DLC1: variants seen among roughly 807,000 people sequenced by gnomAD.
DLC1 encodes rho GTPase-activating protein 7.
A neutral mutation model predicts 140.3 loss-of-function variants in DLC1; 54 were observed. That is an observed-to-expected ratio of 0.38 (90% confidence interval 0.31 to 0.48). The LOEUF (loss-of-function observed/expected upper bound fraction) is 0.48. Ranked by LOEUF, DLC1 falls within the 20% of genes least tolerant of loss-of-function variation. The probability of loss-of-function intolerance (pLI) is 0.96; values close to 1 mark genes in which losing one functional copy is unlikely to be tolerated. For missense variants in DLC1, 2,536 were observed against 1,907.0 expected (o/e 1.33, Z -6.14); for synonymous variants, 986 against 728.1 (o/e 1.35, Z -5.70).
chr8:13,426,590 C>T (rs1037412094), intron 2 of DLC1, among the ~76,000 whole-genome samples: 4 of 152,112 alleles, frequency 2.6e-5, no homozygotes, highest in Admixed American at 2.0e-4. Flanking sequence ...GAATTTAAAG[C>T]TCAAGTGAGA....
intron 4 of DLC1, among the ~76,000 whole-genome samples, chr8:13,359,228 G>A (rs1172573021): frequency 6.6e-6 from 1 of 152,014 alleles, no homozygotes; most frequent in African/African-American, 2.4e-5. Context: ...GTGAGCCACC[G>A]CACCCATCCT....
intron 1 of DLC1, among the ~76,000 whole-genome samples, chr8:13,576,871 T>C (rs1404382661): frequency 6.6e-6 from 1 of 152,202 alleles, no homozygotes; most frequent in African/African-American, 2.4e-5. Context: ...TTGTGTCCCT[T>C]TGAAGGTTAA....
At position 13,312,386 on chromosome 8, in the gene DLC1, A is replaced by AAAAAAAAAAAAATAATAAT. The variant is rs71207139; in HGVS notation, c.1315-7085_1315-7084insATTATTATTTTTTTTTTTT. On this transcript the variant is annotated intron_variant, in intron 4 of 17. Coordinates refer to ENST00000276297, the MANE Select transcript of DLC1 (RefSeq NM_182643.3). ...AAAAAAAAAAAAAAAAAAAAAAAAA[A>AAAAAAAAAAAAATAATAAT]AATAATTTCTTTAGCAAGCTAGATA... 3.4e-4 allele frequency among the ~76,000 whole-genome samples: 28 copies of AAAAAAAAAAAAATAATAAT among 81,702 alleles called. 1 individual carries two copies. Among genetic ancestry groups the AAAAAAAAAAAAATAATAAT allele is most frequent in the African/African-American group, 6.2e-4 (14 of 22,408 alleles). 53.6% of individuals were successfully genotyped at this position (81,702 alleles called of 152,430 possible).
intron 5 of DLC1, among the ~76,000 whole-genome samples, chr8:13,167,268 T>G (rs1007003441): frequency 3.9e-5 from 6 of 152,206 alleles, no homozygotes; most frequent in African/African-American, 1.4e-4. Context: ...TCCTTTTGTC[T>G]TAACATTTCC....
At chr8:13,597,010 G>C (rs1805704190) in intron 1 of DLC1, among the ~76,000 whole-genome samples, 1 of 151,790 alleles carries the variant, frequency 6.6e-6, no homozygotes, top group South Asian at 2.1e-4. Flanking sequence ...AGGAGAGATT[G>C]GCACTCTGAC....
At chr8:13,489,450 A>ACACACACACAC (rs1554530251) in intron 2 of DLC1, among the ~76,000 whole-genome samples, 6 of 89,434 alleles carry the variant, frequency 6.7e-5, no homozygotes, top group African/African-American at 1.9e-4. Flanking sequence ...CACACACACA[A>ACACACACACAC]AATGTTGCTA....
intron 5 of DLC1, among the ~76,000 whole-genome samples, chr8:13,189,874 C>T (rs921431578): frequency 3.5e-5 from 4 of 113,286 alleles, no homozygotes; most frequent in Non-Finnish European, 7.7e-5. Context: ...AAGAGCGAAA[C>T]TCCATCCCAG....
At chr8:13,195,358 C>G (rs954114035) in intron 5 of DLC1, among the ~76,000 whole-genome samples, 11 of 152,184 alleles carry the variant, frequency 7.2e-5, no homozygotes, top group Admixed American at 5.9e-4. Context: ...TTCAATCAAT[C>G]ATGTTCTTAC....
At chr8:13,502,394 G>A (rs1055444476) in intron 1 of DLC1, among the ~76,000 whole-genome samples, 2 of 151,962 alleles carry the variant, frequency 1.3e-5, no homozygotes, top group East Asian at 1.9e-4. Flanking sequence ...TTTTCATAAC[G>A]ATCATTATTA....
chr8:13,577,776 T>C (rs1804896089), intron 1 of DLC1, among the ~76,000 whole-genome samples: 1 of 152,158 alleles, frequency 6.6e-6, no homozygotes, highest in Admixed American at 6.6e-5. Context: ...TATAATTTGT[T>C]GGGAGAGAGT....
intron 5 of DLC1, among the ~76,000 whole-genome samples, chr8:13,256,948 G>T (rs1470445058): frequency 2.7e-5 from 4 of 148,744 alleles, no homozygotes; most frequent in African/African-American, 9.9e-5. Context: ...TGGAGTAATT[G>T]TAACTACCAG....
intron 5 of DLC1, among the ~76,000 whole-genome samples, chr8:13,159,439 G>A (rs774330462): frequency 4.0e-4 from 61 of 152,152 alleles, no homozygotes; most frequent in African/African-American, 1.3e-3. Context: ...GCATTCTCAC[G>A]TTCAGGTTTT....
rs1802927034 is a variant in DLC1 at position 13,526,594 on chromosome 8, A to T, written c.-125-26398T>A. Among the ~76,000 whole-genome samples the T allele has an allele frequency of 2.0e-5, 3 of 152,270 alleles. No individual in the cohort carries two copies. The South Asian group carries it at 6.2e-4, about 32-fold the overall frequency. On this transcript the variant is annotated intron_variant, in intron 1 of 1. Coordinates refer to the DLC1 transcript ENST00000631382. The stretch of plus-strand genomic sequence containing the variant: ...ATTTTTAAAAATTCTATGCAGCCAT[A>T]AAAAAGGATGAGTTCATGTCCTTTA...
intron 5 of DLC1, among the ~76,000 whole-genome samples, chr8:13,181,682 C>T (rs528393436): frequency 2.9e-4 from 43 of 150,350 alleles, no homozygotes; most frequent in Admixed American, 1.1e-3. Flanking sequence ...TTTTTTATGG[C>T]TGCGTAGTAT....
intron 2 of DLC1, among the ~76,000 whole-genome samples, chr8:13,417,215 T>C (rs921280784): frequency 2.0e-5 from 3 of 152,106 alleles, no homozygotes; most frequent in African/African-American, 7.2e-5. Flanking sequence ...TCTTTATTAT[T>C]ATTATTATTA....
intron 4 of DLC1, among the ~76,000 whole-genome samples, chr8:13,348,868 C>G (rs1205168747): frequency 6.6e-6 from 1 of 152,138 alleles, no homozygotes; most frequent in Non-Finnish European, 1.5e-5. Flanking sequence ...TCTCAACCTT[C>G]TTGAGGAGGG....
rs199638260 is a variant in DLC1, at chr8:13,120,352, A to AT, written c.1349-4696_1349-4695insA. On this transcript the variant is annotated intron_variant, in intron 5 of 17. Coordinates refer to ENST00000276297, the MANE Select transcript of DLC1 (RefSeq NM_182643.3). ...AAAGAGACTCCGTCGCAAAAAAAAAAAAAAATATATATATATATAAAATGT... is the reference window on the plus strand; with the variant it reads ...AAAGAGACTCCGTCGCAAAAAAAAAATAAAAATATATATATATATAAAATGT... Among the ~76,000 whole-genome samples the AT allele has an allele frequency of 6.2e-3, 165 of 26,512 alleles. 2 individuals carry two copies. Among genetic ancestry groups the AT allele is most frequent in the African/African-American group, 8.2e-3 (156 of 19,140 alleles). The allele number at this position is 26,512 out of a possible 152,430, so 17.4% of individuals were successfully genotyped here. A position where few individuals can be genotyped will look rare whatever the true frequency, so the allele number is the denominator to read the frequency against.
chr8:13,547,521 A>G (rs554763623), intron 1 of DLC1, among the ~76,000 whole-genome samples: 2 of 152,046 alleles, frequency 1.3e-5, no homozygotes, highest in Non-Finnish European at 2.9e-5. Flanking sequence ...ATGATTCTCT[A>G]CATTTCTTGT....
At chr8:13,103,317 A>AATAG (rs1471986712) in intron 7 of DLC1, among the ~76,000 whole-genome samples, 1 of 20,540 alleles carries the variant, frequency 4.9e-5, no homozygotes, top group Admixed American at 9.3e-4. Flanking sequence ...TCTCAAAATA[A>AATAG]ATAAATAAAT....
Sources: allele counts gnomAD v4.1 joint callset (sites outside exome capture counted in the v4.1 genomes callset), GRCh38; gene constraint gnomAD v4.1.1; transcripts MANE v1.5; gene names NCBI Gene and HGNC (gene_info 2026-07-23, HGNC 2026-07-21).